ANKFN1: variants seen among roughly 807,000 people sequenced by gnomAD.
ANKFN1 encodes ankyrin repeat and fibronectin type-III domain-containing protein 1.
ANKFN1 carries 74 observed loss-of-function variants against 108.7 expected under a neutral mutation model. The observed-to-expected ratio is 0.68, with a 90% CI of 0.56 to 0.83. ANKFN1 has a LOEUF of 0.83. ANKFN1 is among the 40% of genes least tolerant of loss of function. ANKFN1 has a pLI of 0.00. For synonymous variants in ANKFN1, 547 were observed against 516.2 expected (o/e 1.06, Z -0.81); for missense variants, 1,505 against 1,382.3 (o/e 1.09, Z -1.41).
chr17:56,080,707 C>T (rs2143163475), intron 4 of ANKFN1, among the ~76,000 whole-genome samples: 1 of 152,330 alleles, frequency 6.6e-6, no homozygotes, highest in East Asian at 1.9e-4. Context: ...TCGAGGTTGG[C>T]TCCAGAGTAT....
intron 1 of ANKFN1, among the ~76,000 whole-genome samples, chr17:56,158,055 G>C (rs1909279529): frequency 6.6e-6 from 1 of 152,152 alleles, no homozygotes; most frequent in Non-Finnish European, 1.5e-5. Context: ...ATCTGCCATG[G>C]TGTTTCAGGC....
chr17:56,243,282 G>T (rs1917722561), intron 3 of ANKFN1, among the ~76,000 whole-genome samples: 1 of 151,780 alleles, frequency 6.6e-6, no homozygotes. Context: ...TAAAGATTTT[G>T]CTGTTGCCTC....
chr17:56,144,156 GAAAA>G (rs59884444), intron 4 of ANKFN1, among the ~76,000 whole-genome samples: 1,526 of 40,368 alleles, frequency 0.038, 71 homozygotes, highest in African/African-American at 0.12. Flanking sequence ...AGGCGCATCT[GAAAA>G]AAAAAAAAAA....
At chr17:56,110,975 G>A (rs1036406552) in intron 4 of ANKFN1, 1 of 152,290 alleles carries the variant, frequency 6.6e-6, no homozygotes, top group East Asian at 1.9e-4. Flanking sequence ...TGGCTGGGCA[G>A]CCTCAAGCTG....
intron 19 of ANKFN1, among the ~76,000 whole-genome samples, chr17:56,495,014 G>T (rs556390757): frequency 6.6e-6 from 1 of 152,180 alleles, no homozygotes; most frequent in Admixed American, 6.5e-5. Context: ...CCATTAAGTG[G>T]GTTGGATAAA....
chr17:56,378,124 C>A (rs760338223), intron 8 of ANKFN1, among the ~76,000 whole-genome samples: 5 of 152,164 alleles, frequency 3.3e-5, no homozygotes, highest in Non-Finnish European at 7.3e-5. Context: ...ACTGACAGGG[C>A]CTTTCAGGAG....
intron 4 of ANKFN1, among the ~76,000 whole-genome samples, chr17:56,065,519 C>G (rs1445632102): frequency 4.6e-5 from 7 of 152,160 alleles, no homozygotes. Flanking sequence ...TAAGTTTGAT[C>G]ATTTCTAGCT....
chr17:56,232,736 A>T (rs1164639953), intron 3 of ANKFN1, among the ~76,000 whole-genome samples: 1 of 152,138 alleles, frequency 6.6e-6, no homozygotes, highest in Non-Finnish European at 1.5e-5. Context: ...AAACAACCAG[A>T]TGCTCAGTAA....
intron 14 of ANKFN1, among the ~76,000 whole-genome samples, chr17:56,461,834 T>C (rs777873023): frequency 2.0e-5 from 3 of 152,192 alleles, no homozygotes; most frequent in Non-Finnish European, 4.4e-5. Flanking sequence ...TCCAAACCCA[T>C]GTACCCCAGT....
intron 3 of ANKFN1, among the ~76,000 whole-genome samples, chr17:56,307,572 T>G (rs541990272): frequency 0.036 from 5,446 of 152,066 alleles, 196 homozygotes; most frequent in African/African-American, 0.087. Flanking sequence ...AAAAAGTCAG[T>G]AAACAACAGG....
intron 9 of ANKFN1, among the ~76,000 whole-genome samples, 165 bp from the exon 10 acceptor site, chr17:56,442,668 CAGAATGCTAT>C (rs936594696): frequency 6.6e-5 from 10 of 151,886 alleles, no homozygotes; most frequent in Non-Finnish European, 1.3e-4. Flanking sequence ...CAAGAAAAAC[CAGAATGCTAT>C]AGATGGGCTA....
At position 56,222,082 on chromosome 17, in the gene ANKFN1, G is replaced by C. The variant is rs372150849; in HGVS notation, c.13-5835G>C. On this transcript the variant is annotated intron_variant, in intron 2 of 20. Transcript: ENST00000682825. ...ATCTGTGGACACATTCAAGTATAAG[G>C]AGCACTGGCCTCAGTGGCTGTTCTC... Among the ~76,000 whole-genome samples, 6 of 152,280 alleles carry C rather than the reference G, an allele frequency of 3.9e-5. No individual in the cohort carries two copies. In the East Asian group the frequency reaches 7.7e-4, roughly 20 times the overall value.
intron 1 of ANKFN1, among the ~76,000 whole-genome samples, chr17:56,170,710 C>A (rs1411142790): frequency 6.9e-6 from 1 of 144,222 alleles, no homozygotes; most frequent in Non-Finnish European, 1.5e-5. Flanking sequence ...TTGCAGTGAG[C>A]CAAAATCACA....
intron 3 of ANKFN1, among the ~76,000 whole-genome samples, chr17:56,275,619 T>A (rs576681567): frequency 1.1e-3 from 166 of 152,300 alleles, no homozygotes; most frequent in African/African-American, 3.8e-3. Flanking sequence ...GCAAGGAGAC[T>A]GTTTTGGGCA....
chr17:56,098,354 T>A lies in ANKFN1; in HGVS notation c.288+52029T>A, dbSNP rs894435682. Among the ~76,000 whole-genome samples the A allele has an allele frequency of 3.3e-5, 5 of 152,150 alleles. No homozygotes were observed. The South Asian group carries it at 1.0e-3, about 32-fold the overall frequency. The stretch of plus-strand genomic sequence containing the variant: ...TCTATTTACATTTGTTCATATTTCA[T>A]CTCAGGGAGATGTCTTTTGACACTT... On this transcript the variant is annotated intron_variant, in intron 4 of 12. Transcript: ENST00000635860.
At chr17:56,193,327 C>T (rs1490910345) in intron 1 of ANKFN1, among the ~76,000 whole-genome samples, 1 of 144,592 alleles carries the variant, frequency 6.9e-6, no homozygotes, top group Non-Finnish European at 1.5e-5. Flanking sequence ...GGGTGCAGCG[C>T]ACCAGCATGG....
intron 6 of ANKFN1, among the ~76,000 whole-genome samples, chr17:56,361,101 T>A (rs1255781720): frequency 6.6e-6 from 1 of 152,212 alleles, no homozygotes; most frequent in Admixed American, 6.5e-5. Flanking sequence ...TTTCTGTGTG[T>A]GGCTTTTTTT....
rs986229810 is a variant in ANKFN1, at chr17:56,510,964, CAGGAGCCCA to C, written c.3142_3150del (p.Pro1048_Glu1050del). ...CCTGTCCCAGGCCTGTGGTCTGGCCCAGGAGCCCAAGGAGGCCAAGCGGGCCGGCCCTGC... is the reference window on the plus strand; with the variant it reads ...CCTGTCCCAGGCCTGTGGTCTGGCCCAGGAGGCCAAGCGGGCCGGCCCTGC... On this transcript the variant is annotated inframe_deletion, in exon 21 of 21. Coordinates refer to ENST00000682825, the MANE Select transcript of ANKFN1 (RefSeq NM_001370326.1). 11 of 1,535,968 alleles carry C rather than the reference CAGGAGCCCA, an allele frequency of 7.2e-6. No individual in the cohort carries two copies. In the African/African-American group the frequency reaches 1.2e-4, roughly 17 times the overall value.
chr17:56,311,119 C>G (rs995477570), intron 3 of ANKFN1, among the ~76,000 whole-genome samples: 12 of 151,552 alleles, frequency 7.9e-5, no homozygotes, highest in African/African-American at 2.9e-4. Context: ...CCTTTTAGGG[C>G]TACATAATAT....
Sources: gnomAD v4.1 joint callset for allele counts (sites outside exome capture counted in the v4.1 genomes callset) on GRCh38, gnomAD v4.1.1 for gene constraint, MANE v1.5 for transcripts, NCBI Gene and HGNC (gene_info 2026-07-23, HGNC 2026-07-21) for gene names.